Variants in TRPC6 observed in about 807,000 individuals in gnomAD.
TRPC6 encodes the protein short transient receptor potential channel 6.
In TRPC6, 55 loss-of-function variants were observed where a neutral mutation model predicts 90.7. The ratio of observed to expected loss-of-function variants is 0.61; its 90% confidence interval spans 0.49 to 0.76. TRPC6 has a LOEUF of 0.76. Ranked by LOEUF, TRPC6 falls within the 30% of genes least tolerant of loss-of-function variation. The pLI is 0.00. For missense variants in TRPC6, 989 were observed against 1,122.7 expected (o/e 0.88, Z 1.70); for synonymous variants, 393 against 393.0 (o/e 1.00, Z 0.00).
At chr11:101,474,134 T>C in intron 6 of TRPC6, among the ~76,000 whole-genome samples, 1 of 152,226 alleles carries the variant, frequency 6.6e-6, no homozygotes, top group Non-Finnish European at 1.5e-5. Flanking sequence ...TGAGATAATA[T>C]CCCTTCTAAC....
intron 10 of TRPC6, among the ~76,000 whole-genome samples, chr11:101,459,315 T>G (rs1858952079): frequency 6.6e-6 from 1 of 152,004 alleles, no homozygotes; most frequent in Admixed American, 6.5e-5. Context: ...GGGGGAGAGG[T>G]AAGACGATTG....
At chr11:101,554,301 G>A (rs578136865) in intron 1 of TRPC6, among the ~76,000 whole-genome samples, 1 of 151,964 alleles carries the variant, frequency 6.6e-6, no homozygotes, top group East Asian at 1.9e-4. Context: ...AGAGAAGCTG[G>A]AACAACAAAA....
At chr11:101,525,739 T>C (rs560534102) in intron 1 of TRPC6, among the ~76,000 whole-genome samples, 3 of 152,250 alleles carry the variant, frequency 2.0e-5, no homozygotes, top group East Asian at 1.9e-4. Context: ...AAGAAACTTT[T>C]GAGTTATGAT....
chr11:101,485,352 A>G (rs1859653711), intron 4 of TRPC6, among the ~76,000 whole-genome samples: 1 of 152,106 alleles, frequency 6.6e-6, no homozygotes, highest in Admixed American at 6.5e-5. Flanking sequence ...TGGTATAAAA[A>G]GTAAGTTTGA....
At chr11:101,501,979 T>G (rs976785896) in intron 2 of TRPC6, among the ~76,000 whole-genome samples, 2 of 152,182 alleles carry the variant, frequency 1.3e-5, no homozygotes, top group African/African-American at 4.8e-5. Context: ...CCTTGAAACC[T>G]TCATAGAGGC....
intron 1 of TRPC6, among the ~76,000 whole-genome samples, chr11:101,569,520 A>G (rs938974976): frequency 6.6e-6 from 1 of 152,178 alleles, no homozygotes; most frequent in African/African-American, 2.4e-5. Context: ...AATCAGACCT[A>G]ATAGACATCT....
chr11:101,498,981 T>G (rs567516674), intron 2 of TRPC6, among the ~76,000 whole-genome samples: 2 of 152,218 alleles, frequency 1.3e-5, no homozygotes, highest in Admixed American at 1.3e-4. Context: ...ATGCAGCACC[T>G]TGGCTCATGT....
chr11:101,565,791 T>A (rs1484513484), intron 1 of TRPC6, among the ~76,000 whole-genome samples: 2 of 152,150 alleles, frequency 1.3e-5, no homozygotes, highest in African/African-American at 2.4e-5. Flanking sequence ...CATAATTTTT[T>A]AATCTCATAT....
chr11:101,491,205 A>T (rs954944174), intron 3 of TRPC6, among the ~76,000 whole-genome samples: 1 of 152,030 alleles, frequency 6.6e-6, no homozygotes, highest in African/African-American at 2.4e-5. Context: ...CCAGCACTTT[A>T]GGAGGCCGAG....
Position 101,583,506 on chromosome 11 carries a change from C to G in TRPC6, c.-3G>C. 1 of 1,472,606 alleles carries G rather than the reference C, an allele frequency of 6.8e-7. No individual in the cohort carries two copies. The highest frequency in any genetic ancestry group is 1.3e-5 in the South Asian group (1 of 75,058). The allele number at this position is 1,472,606 out of a possible 1,614,324, so 91.2% of individuals were successfully genotyped here. A position where few individuals can be genotyped will look rare whatever the true frequency, so the allele number is the denominator to read the frequency against. The stretch of plus-strand genomic sequence containing the variant: ...CCGAACGCCGGGCTCTGGCTCATGG[C>G]GGGAACGCCCGACTGGCCTGGGCCC... On this transcript the variant is annotated 5_prime_UTR_variant, in exon 1 of 13. Transcript: ENST00000344327.
chr11:101,547,682 ACAGGTATC>A (rs1861340056), intron 1 of TRPC6, among the ~76,000 whole-genome samples: 1 of 152,174 alleles, frequency 6.6e-6, no homozygotes, highest in African/African-American at 2.4e-5. Flanking sequence ...TACTATGTTA[ACAGGTATC>A]CAGGTAGTAA....
At chr11:101,507,797 T>C (rs1030213753) in intron 1 of TRPC6, among the ~76,000 whole-genome samples, 3 of 152,138 alleles carry the variant, frequency 2.0e-5, no homozygotes, top group Non-Finnish European at 2.9e-5. Flanking sequence ...TTCTCCACAG[T>C]GCTGCCCATT....
At chr11:101,467,514 C>A (rs982662731) in intron 10 of TRPC6, among the ~76,000 whole-genome samples, 1 of 152,146 alleles carries the variant, frequency 6.6e-6, no homozygotes, top group Non-Finnish European at 1.5e-5. Flanking sequence ...ATCCTGTGAA[C>A]AAGTAAAGAG....
chr11:101,458,694 G>T (rs1325815536), intron 10 of TRPC6, among the ~76,000 whole-genome samples: 1 of 152,150 alleles, frequency 6.6e-6, no homozygotes, highest in Non-Finnish European at 1.5e-5. Context: ...AGAGTTAAAG[G>T]ATACGGTCAG....
intron 1 of TRPC6, among the ~76,000 whole-genome samples, chr11:101,539,007 AGC>A (rs1046202321): frequency 1.8e-4 from 28 of 152,236 alleles, no homozygotes; most frequent in African/African-American, 6.3e-4. Context: ...CAGAGAAATC[AGC>A]CAGGCCCACC....
intron 2 of TRPC6, among the ~76,000 whole-genome samples, chr11:101,494,646 T>C (rs896219465): frequency 1.3e-5 from 2 of 152,152 alleles, no homozygotes; most frequent in Non-Finnish European, 2.9e-5. Flanking sequence ...CTCAGATATA[T>C]TTAGATATTT....
chr11:101,454,606 T>TTA (rs1216094100), intron 11 of TRPC6, among the ~76,000 whole-genome samples: 1 of 151,532 alleles, frequency 6.6e-6, no homozygotes, highest in East Asian at 1.9e-4. Context: ...TTATATAGTA[T>TTA]TATATATGCA....
chr11:101,455,329 A>C, intron 10 of TRPC6: 1 of 461,886 alleles, frequency 2.2e-6, no homozygotes, highest in South Asian at 2.4e-5. Context: ...GGAGTCTCTT[A>C]GACTTTGTGG....
intron 2 of TRPC6, among the ~76,000 whole-genome samples, chr11:101,502,298 A>G (rs1172214760): frequency 1.3e-5 from 2 of 152,184 alleles, no homozygotes; most frequent in Non-Finnish European, 2.9e-5. Context: ...CATGCCTAAT[A>G]TGATAGTTAC....
Sources: gnomAD v4.1 joint callset for allele counts (sites outside exome capture counted in the v4.1 genomes callset) on GRCh38, gnomAD v4.1.1 for gene constraint, MANE v1.5 for transcripts, NCBI Gene and HGNC (gene_info 2026-07-23, HGNC 2026-07-21) for gene names.